SLC35F4: variants seen among roughly 807,000 people sequenced by gnomAD.
SLC35F4 encodes chromosome 14 open reading frame 36.
Under a neutral mutation model 44.2 loss-of-function variants are expected in SLC35F4, and 24 were observed. That is an observed-to-expected ratio of 0.54 (90% CI 0.39 to 0.76). SLC35F4 has a LOEUF of 0.76. Ranked by LOEUF, SLC35F4 falls within the 30% of genes least tolerant of loss-of-function variation. SLC35F4 has a pLI of 0.00. For synonymous variants in SLC35F4, 238 were observed against 223.6 expected, an observed-to-expected ratio of 1.06 and a Z score of -0.57; for missense variants, 562 against 586.1, an observed-to-expected ratio of 0.96 and a Z score of 0.42.
At chr14:57,970,096 T>C (rs1431883223) in intron 1 of SLC35F4, among the ~76,000 whole-genome samples, 1 of 152,220 alleles carries the variant, frequency 6.6e-6, no homozygotes, top group African/African-American at 2.4e-5. Context: ...TTAACTAGGT[T>C]CAATACCAAG....
chr14:57,891,467 AC>A (rs1474503638), intron 1 of SLC35F4, among the ~76,000 whole-genome samples: 1 of 152,208 alleles, frequency 6.6e-6, no homozygotes, highest in Non-Finnish European at 1.5e-5. Context: ...ACATAGCAAG[AC>A]CCCCAAATCT....
At chr14:57,963,565 C>T (rs908622351) in intron 1 of SLC35F4, among the ~76,000 whole-genome samples, 2 of 152,082 alleles carry the variant, frequency 1.3e-5, no homozygotes, top group African/African-American at 4.8e-5. Flanking sequence ...ATCTGACTTT[C>T]GTGGAGTCGG....
chr14:57,700,212 A>G (rs2075498787), intron 1 of SLC35F4, among the ~76,000 whole-genome samples: 1 of 152,224 alleles, frequency 6.6e-6, no homozygotes, highest in African/African-American at 2.4e-5. Context: ...CTAGCATACA[A>G]ACCCCTACAG....
chr14:57,962,638 G>A (rs1890359824), intron 1 of SLC35F4, among the ~76,000 whole-genome samples: 1 of 152,212 alleles, frequency 6.6e-6, no homozygotes, highest in Admixed American at 6.5e-5. Context: ...CATTAAATAA[G>A]GTCATGATTG....
At chr14:57,721,031 TC>T (rs2076075365) in intron 1 of SLC35F4, among the ~76,000 whole-genome samples, 1 of 103,502 alleles carries the variant, frequency 9.7e-6, no homozygotes, top group South Asian at 3.6e-4. Flanking sequence ...AATAAACTCC[TC>T]ATATATATAT....
intron 1 of SLC35F4, among the ~76,000 whole-genome samples, chr14:57,944,464 C>T (rs1889972303): frequency 6.6e-6 from 1 of 152,080 alleles, no homozygotes; most frequent in Non-Finnish European, 1.5e-5. Context: ...CCCACCCTCA[C>T]TGTTTACATT....
intron 1 of SLC35F4, among the ~76,000 whole-genome samples, chr14:57,693,291 T>C (rs1474601117): frequency 6.6e-6 from 1 of 152,198 alleles, no homozygotes; most frequent in Non-Finnish European, 1.5e-5. Context: ...TTGTTGGTAA[T>C]AGGCCCCCAA....
chr14:57,888,708 A>G (rs536250602), intron 1 of SLC35F4, among the ~76,000 whole-genome samples: 1 of 152,372 alleles, frequency 6.6e-6, no homozygotes, highest in East Asian at 1.9e-4. Flanking sequence ...TCAAATTGGA[A>G]AAAGAAAAAC....
chr14:57,581,558 A>G, intron 3 of SLC35F4, 125 bp from the exon 4 acceptor site: 1 of 842,664 alleles, frequency 1.2e-6, no homozygotes, highest in South Asian at 1.9e-5. Flanking sequence ...ATTGTGAAGT[A>G]TACTGAACCC....
At chr14:57,899,581 G>A (rs773109331) in intron 1 of SLC35F4, among the ~76,000 whole-genome samples, 5 of 152,188 alleles carry the variant, frequency 3.3e-5, no homozygotes, top group Admixed American at 1.3e-4. Context: ...ATATCCGTCT[G>A]AAACTGGATT....
At chr14:57,682,222 A>G (rs978916759) in intron 1 of SLC35F4, among the ~76,000 whole-genome samples, 9 of 152,230 alleles carry the variant, frequency 5.9e-5, no homozygotes, top group Non-Finnish European at 1.3e-4. Context: ...ACTGTTCACA[A>G]TAGCAAAGAC....
At chr14:57,848,214 A>G (rs1184421527) in intron 1 of SLC35F4, among the ~76,000 whole-genome samples, 1 of 152,198 alleles carries the variant, frequency 6.6e-6, no homozygotes, top group African/African-American at 2.4e-5. Flanking sequence ...AAGCCTGTTT[A>G]AGGAACATTA....
At chr14:57,683,483 G>A (rs1051122477) in intron 1 of SLC35F4, among the ~76,000 whole-genome samples, 1 of 152,060 alleles carries the variant, frequency 6.6e-6, no homozygotes, top group African/African-American at 2.4e-5. Context: ...AGCAGCTCTG[G>A]AATCGTCATT....
At chr14:57,746,320 A>T (rs1402529053) in intron 1 of SLC35F4, among the ~76,000 whole-genome samples, 1 of 152,170 alleles carries the variant, frequency 6.6e-6, no homozygotes, top group Non-Finnish European at 1.5e-5. Context: ...AATCAGGTTG[A>T]TAAAGTCCCC....
rs374218828 is a variant in SLC35F4 at position 57,618,437 on chromosome 14, G to A, written c.104-24313C>T. 9.9e-5 allele frequency among the ~76,000 whole-genome samples: 15 copies of A among 152,228 alleles called. No homozygotes were observed. In the East Asian group the frequency reaches 1.4e-3, roughly 14 times the overall value. On this transcript the variant is annotated intron_variant, in intron 1 of 7. Transcript: ENST00000556826. ...CCTCACCCAAGAAGCAGAAGGGGTC[G>A]GGGGAGTTCCCTCCCCTACCCAAGG...
At chr14:57,836,195 A>G (rs1317127292) in intron 1 of SLC35F4, among the ~76,000 whole-genome samples, 2 of 152,162 alleles carry the variant, frequency 1.3e-5, no homozygotes, top group African/African-American at 4.8e-5. Flanking sequence ...CATACCACCC[A>G]TATTATTCTT....
chr14:57,702,557 A>T (rs757851684), intron 1 of SLC35F4, among the ~76,000 whole-genome samples: 3 of 152,186 alleles, frequency 2.0e-5, no homozygotes, highest in Admixed American at 6.5e-5. Flanking sequence ...TGGTAATGAT[A>T]GTTTCTCAAA....
At chr14:57,615,975 A>G (rs1282158974) in intron 1 of SLC35F4, among the ~76,000 whole-genome samples, 1 of 152,138 alleles carries the variant, frequency 6.6e-6, no homozygotes, top group African/African-American at 2.4e-5. Flanking sequence ...GTGTCTCTTG[A>G]TTTTCTACAT....
At chr14:57,848,574 C>G (rs987828752) in intron 1 of SLC35F4, among the ~76,000 whole-genome samples, 1 of 152,196 alleles carries the variant, frequency 6.6e-6, no homozygotes, top group Admixed American at 6.5e-5. Flanking sequence ...CATAGACAAG[C>G]TCTTTTGGGA....
Sources: gnomAD v4.1 joint callset for allele counts (sites outside exome capture counted in the v4.1 genomes callset) on GRCh38, gnomAD v4.1.1 for gene constraint, MANE v1.5 for transcripts, NCBI Gene and HGNC (gene_info 2026-07-23, HGNC 2026-07-21) for gene names.